The following GAB2 variants were observed in gnomAD, a reference collection of about 807,000 sequenced individuals.
GAB2 encodes GRB2 associated binding protein 2.
A neutral mutation model predicts 65.5 loss-of-function variants in GAB2; 26 were observed. The ratio of observed to expected loss-of-function variants is 0.40; its 90% confidence interval spans 0.29 to 0.55. The LOEUF is 0.55. Ranked by LOEUF, GAB2 falls within the 20% of genes least tolerant of loss-of-function variation. The probability of loss-of-function intolerance (pLI) is 0.53; values close to 1 mark genes in which losing one functional copy is unlikely to be tolerated. For synonymous variants in GAB2, 321 were observed against 329.6 expected (o/e 0.97, Z 0.28); for missense variants, 884 against 875.8 (o/e 1.01, Z -0.12).
chr11:78,406,536 C>A (rs1293100419), intron 1 of GAB2, among the ~76,000 whole-genome samples: 2 of 152,106 alleles, frequency 1.3e-5, no homozygotes, highest in Non-Finnish European at 2.9e-5. Context: ...TGCCACCATG[C>A]CTGGGTAATT....
intron 1 of GAB2, among the ~76,000 whole-genome samples, chr11:78,358,669 C>A (rs1189921939): frequency 6.6e-6 from 1 of 151,730 alleles, no homozygotes; most frequent in Non-Finnish European, 1.5e-5. Flanking sequence ...AATGTTTAAC[C>A]TAGGCCTCAA....
At chr11:78,239,348 G>A (rs2134501818) in intron 3 of GAB2, among the ~76,000 whole-genome samples, 1 of 152,184 alleles carries the variant, frequency 6.6e-6, no homozygotes, top group South Asian at 2.1e-4. Flanking sequence ...AGCCTCCCGA[G>A]TAGCTGGGAT....
chr11:78,242,512 A>G (rs896940597), intron 3 of GAB2, among the ~76,000 whole-genome samples: 1 of 152,138 alleles, frequency 6.6e-6, no homozygotes, highest in African/African-American at 2.4e-5. Flanking sequence ...AAAACAAAAA[A>G]AAAAGAAAAA....
intron 1 of GAB2, among the ~76,000 whole-genome samples, chr11:78,287,850 G>A (rs188133610): frequency 1.6e-4 from 24 of 150,166 alleles, no homozygotes; most frequent in Non-Finnish European, 3.0e-4. Context: ...GTTTCACCAC[G>A]TTGGCCAGGC....
At chr11:78,330,544 T>G (rs1416890287) in intron 1 of GAB2, among the ~76,000 whole-genome samples, 1 of 152,106 alleles carries the variant, frequency 6.6e-6, no homozygotes, top group Non-Finnish European at 1.5e-5. Context: ...GGGCCCGTAG[T>G]GATAGATGAC....
At chr11:78,277,496 TG>T (rs907539074) in intron 2 of GAB2, among the ~76,000 whole-genome samples, 7 of 152,184 alleles carry the variant, frequency 4.6e-5, no homozygotes, top group African/African-American at 1.7e-4. Flanking sequence ...CTGAAACTGG[TG>T]ATCAGCAGCT....
intron 1 of GAB2, among the ~76,000 whole-genome samples, chr11:78,290,883 C>G (rs977411113): frequency 1.3e-5 from 2 of 152,114 alleles, no homozygotes; most frequent in Admixed American, 1.3e-4. Context: ...ATACTCAACA[C>G]TGGAGATTTT....
intron 9 of GAB2, 64 bp from the exon 10 acceptor site, chr11:78,219,479 G>A (rs1413751299): frequency 2.2e-5 from 32 of 1,469,016 alleles, no homozygotes; most frequent in African/African-American, 4.1e-5. Flanking sequence ...GGAGGAAGAA[G>A]GTGGGCACGG....
chr11:78,264,213 C>T (rs763670926), intron 2 of GAB2, among the ~76,000 whole-genome samples: 4 of 152,022 alleles, frequency 2.6e-5, no homozygotes, highest in Non-Finnish European at 5.9e-5. Flanking sequence ...ATGGGGAGAA[C>T]TGACATATTA....
intron 1 of GAB2, among the ~76,000 whole-genome samples, chr11:78,312,646 C>A (rs1264325412): frequency 6.6e-6 from 1 of 152,166 alleles, no homozygotes; most frequent in Non-Finnish European, 1.5e-5. Flanking sequence ...CCAGACTGGT[C>A]ATGAACTCCT....
At chr11:78,407,843 G>C (rs1221148616) in intron 1 of GAB2, among the ~76,000 whole-genome samples, 2 of 152,114 alleles carry the variant, frequency 1.3e-5, no homozygotes, top group African/African-American at 4.8e-5. Context: ...CAATTGGAAA[G>C]ACCATGGATT....
chr11:78,337,931 C>T (rs572684414), intron 1 of GAB2, among the ~76,000 whole-genome samples: 1 of 152,340 alleles, frequency 6.6e-6, no homozygotes, highest in South Asian at 2.1e-4. Flanking sequence ...CGAGGCCAGG[C>T]CAGGTCAGTA....
In GAB2 at chr11:78,216,208, C is replaced by T. The variant is rs1269023629; in HGVS notation, c.*3064G>A. The T allele has an allele frequency of 6.6e-6, 1 of 152,430 alleles. No individual in the cohort carries two copies. Among genetic ancestry groups the T allele is most frequent in the Non-Finnish European group, 1.5e-5 (1 of 68,064 alleles). The allele number at this position is 152,430 out of a possible 1,614,324, so 9.4% of individuals were successfully genotyped here. ...GAGACACCATCTCCCTATTTCTCAT[C>T]GTTCTCACTTGACTTAACCTTGCAG... On this transcript the variant is annotated 3_prime_UTR_variant, in exon 10 of 10. Transcript: ENST00000361507.
At chr11:78,312,826 T>C (rs111685257) in intron 1 of GAB2, among the ~76,000 whole-genome samples, 1 of 152,232 alleles carries the variant, frequency 6.6e-6, no homozygotes, top group Non-Finnish European at 1.5e-5. Context: ...CAAGGACTTA[T>C]GACTCTGTCC....
chr11:78,393,897 T>C (rs1169610348), intron 1 of GAB2, among the ~76,000 whole-genome samples: 2 of 152,218 alleles, frequency 1.3e-5, no homozygotes, highest in East Asian at 3.8e-4. Flanking sequence ...AATTGGTAAA[T>C]AGAACTCACA....
chr11:78,250,493 C>A, intron 2 of GAB2, 93 bp from the exon 3 acceptor site: 1 of 1,158,686 alleles, frequency 8.6e-7, no homozygotes, highest in Non-Finnish European at 1.3e-6. Flanking sequence ...AGAGTAAGAG[C>A]AGAGAAAATA....
At chr11:78,225,546 A>G (rs530453610) in intron 4 of GAB2, among the ~76,000 whole-genome samples, 9 of 152,130 alleles carry the variant, frequency 5.9e-5, no homozygotes, top group African/African-American at 2.2e-4. Flanking sequence ...CCTGATTTAT[A>G]TGTGTTGGTT....
intron 1 of GAB2, among the ~76,000 whole-genome samples, chr11:78,376,413 T>C (rs952458837): frequency 2.0e-5 from 3 of 152,200 alleles, no homozygotes; most frequent in African/African-American, 7.2e-5. Flanking sequence ...CAACAAGCCC[T>C]ATGAGATAGG....
At chr11:78,385,077 G>A (rs1003940355) in intron 1 of GAB2, among the ~76,000 whole-genome samples, 2 of 152,052 alleles carry the variant, frequency 1.3e-5, no homozygotes, top group Non-Finnish European at 2.9e-5. Context: ...CTATAATATC[G>A]GTTTCTGCAC....
Sources: allele counts gnomAD v4.1 joint callset (sites outside exome capture counted in the v4.1 genomes callset), GRCh38; gene constraint gnomAD v4.1.1; transcripts MANE v1.5; gene names NCBI Gene and HGNC (gene_info 2026-07-23, HGNC 2026-07-21).